Variants in RAB38 observed in about 807,000 individuals in gnomAD.
The protein encoded by RAB38 is RAB38, member RAS oncogene family.
A neutral mutation model predicts 18.4 loss-of-function variants in RAB38; 15 were observed. That is an observed-to-expected ratio of 0.82 (90% CI 0.55 to 1.26). The LOEUF (loss-of-function observed/expected upper bound fraction) is 1.26. Among genes scored for constraint, RAB38 ranks in the 50% most tolerant of loss-of-function variants. The pLI is 0.00. For synonymous variants in RAB38, 101 were observed against 104.4 expected (o/e 0.97, Z 0.20); for missense variants, 294 against 267.4 (o/e 1.10, Z -0.69).
downstream of RAB38, among the ~76,000 whole-genome samples, chr11:88,109,442 A>T (rs1399675055): frequency 6.6e-6 from 1 of 152,204 alleles, no homozygotes; most frequent in Non-Finnish European, 1.5e-5. Context: ...AGGCAACTCC[A>T]TTCAGGACAT....
At chr11:87,944,127 A>G in the RAB38 span, among the ~76,000 whole-genome samples, 1 of 152,176 alleles carries the variant, frequency 6.6e-6, no homozygotes, top group Non-Finnish European at 1.5e-5. Context: ...TAAGTATGCA[A>G]TAGCATTATT....
chr11:88,162,702 G>GA (rs1220207829), intron 1 of RAB38, among the ~76,000 whole-genome samples: 1 of 151,912 alleles, frequency 6.6e-6, no homozygotes, highest in African/African-American at 2.4e-5. Flanking sequence ...TCTATAACTA[G>GA]AAAAAAATCC....
the RAB38 span, among the ~76,000 whole-genome samples, chr11:87,977,499 TTA>T: frequency 2.8e-5 from 3 of 108,060 alleles, no homozygotes; most frequent in East Asian, 2.7e-4. Flanking sequence ...TAATATAATT[TTA>T]TATGATTATG....
the RAB38 span, among the ~76,000 whole-genome samples, chr11:88,073,785 A>G: frequency 5.3e-5 from 8 of 152,152 alleles, no homozygotes; most frequent in African/African-American, 1.9e-4. Context: ...CCAAGATAAC[A>G]CAGAAAAGGA....
chr11:87,925,818 CA>C, the RAB38 span, among the ~76,000 whole-genome samples: 1 of 151,968 alleles, frequency 6.6e-6, no homozygotes, highest in South Asian at 2.1e-4. Flanking sequence ...TTATAAGTGG[CA>C]TTTAAGCAAA....
chr11:87,923,109 T>A, the RAB38 span, among the ~76,000 whole-genome samples: 1 of 151,938 alleles, frequency 6.6e-6, no homozygotes, highest in African/African-American at 2.4e-5. Flanking sequence ...TCTGTTCTCC[T>A]CCAAATAAGG....
At chr11:88,026,156 G>A in the RAB38 span, among the ~76,000 whole-genome samples, 3 of 151,736 alleles carry the variant, frequency 2.0e-5, no homozygotes, top group Non-Finnish European at 4.4e-5. Context: ...GTAGAGACAG[G>A]GTTTCACCAT....
At chr11:88,055,185 T>C in the RAB38 span, among the ~76,000 whole-genome samples, 2 of 152,188 alleles carry the variant, frequency 1.3e-5, no homozygotes, top group Non-Finnish European at 2.9e-5. Context: ...TCTAGTGCAC[T>C]ATCATCATGC....
chr11:88,161,315 C>T lies in RAB38; in HGVS notation c.203-11360G>A, dbSNP rs530331406. Among the ~76,000 whole-genome samples, 31 of 152,162 alleles carry T rather than the reference C, an allele frequency of 2.0e-4. No homozygotes were observed. The East Asian group carries it at 5.6e-3, about 28-fold the overall frequency. Reference sequence around the variant, plus strand: ...CCTGAATTCCCTCCTCATCTCTACTCCCACTCTGTTCAATAAAATCCTATA... The same window carrying T: ...CCTGAATTCCCTCCTCATCTCTACTTCCACTCTGTTCAATAAAATCCTATA... On this transcript the variant is annotated intron_variant, in intron 1 of 2. Coordinates refer to ENST00000243662, the MANE Select transcript of RAB38 (RefSeq NM_022337.3).
At chr11:87,849,794 C>T in the RAB38 span, among the ~76,000 whole-genome samples, 1 of 152,048 alleles carries the variant, frequency 6.6e-6, no homozygotes, top group Non-Finnish European at 1.5e-5. Context: ...GACTTGCAAA[C>T]AAAATTTAAC....
the RAB38 span, among the ~76,000 whole-genome samples, chr11:87,892,371 T>A: frequency 6.6e-6 from 1 of 151,970 alleles, no homozygotes; most frequent in South Asian, 2.1e-4. Flanking sequence ...ACTATCACTG[T>A]GTTATTTACA....
chr11:87,947,947 T>A, the RAB38 span, among the ~76,000 whole-genome samples: 3 of 152,204 alleles, frequency 2.0e-5, no homozygotes, highest in Non-Finnish European at 2.9e-5. Context: ...CATTGGTAGC[T>A]TGATGGGGAT....
the RAB38 span, among the ~76,000 whole-genome samples, chr11:88,027,090 A>C: frequency 6.6e-6 from 1 of 152,254 alleles, no homozygotes; most frequent in African/African-American, 2.4e-5. Context: ...CATTAAAATA[A>C]AATAAACGAA....
the RAB38 span, among the ~76,000 whole-genome samples, chr11:87,949,135 A>G: frequency 3.5e-4 from 54 of 152,118 alleles, no homozygotes; most frequent in Non-Finnish European, 5.4e-4. Context: ...TATGTGTCGA[A>G]GAATTTATCC....
chr11:87,806,287 A>C, the RAB38 span, among the ~76,000 whole-genome samples: 1 of 152,180 alleles, frequency 6.6e-6, no homozygotes, highest in South Asian at 2.1e-4. Flanking sequence ...ACAGTTCTAG[A>C]GGCTAAGCAA....
chr11:87,812,053 G>T, the RAB38 span, among the ~76,000 whole-genome samples: 1 of 152,206 alleles, frequency 6.6e-6, no homozygotes, highest in Non-Finnish European at 1.5e-5. Flanking sequence ...CATACTATGA[G>T]CCTGGAGGTT....
the RAB38 span, among the ~76,000 whole-genome samples, chr11:87,849,641 G>A: frequency 1.3e-5 from 2 of 152,108 alleles, no homozygotes; most frequent in African/African-American, 2.4e-5. Flanking sequence ...ATCTTTGGGT[G>A]TTGTCCTTTT....
rs574609261 is a variant in RAB38, at chr11:88,155,689, G to A, written c.203-5734C>T. On this transcript the variant is annotated intron_variant, in intron 1 of 2. Coordinates refer to ENST00000243662, the MANE Select transcript of RAB38 (RefSeq NM_022337.3). ...TAGCTTTCCAGCAAAGGTCCCTAATGAAAATAGAAACTCAGAAGTGACAGA... is the reference window on the plus strand; with the variant it reads ...TAGCTTTCCAGCAAAGGTCCCTAATAAAAATAGAAACTCAGAAGTGACAGA... Among the ~76,000 whole-genome samples the A allele has an allele frequency of 3.3e-5, 5 of 152,270 alleles. No homozygotes were observed. The East Asian group carries it at 9.6e-4, about 29-fold the overall frequency.
the RAB38 span, among the ~76,000 whole-genome samples, chr11:88,077,021 A>AAGAAG: frequency 8.5e-6 from 1 of 118,136 alleles, no homozygotes; most frequent in African/African-American, 2.8e-5. Flanking sequence ...AAGAAAAGAA[A>AAGAAG]AGAAAAGAAA....
Sources: allele counts gnomAD v4.1 joint callset (sites outside exome capture counted in the v4.1 genomes callset), GRCh38; gene constraint gnomAD v4.1.1; transcripts MANE v1.5; gene names NCBI Gene and HGNC (gene_info 2026-07-23, HGNC 2026-07-21).